The following CATSPERT variants were observed in gnomAD, a reference collection of about 807,000 sequenced individuals.
CATSPERT encodes the protein catsper channel auxiliary subunit tau.
At chr2:201,557,239 C>T in the CATSPERT span, 7 of 152,116 alleles carry the variant, frequency 4.6e-5, no homozygotes, top group Non-Finnish European at 8.8e-5. Context: ...ACTTATATTT[C>T]TCATCCTTAT....
the CATSPERT span, among the ~76,000 whole-genome samples, chr2:201,560,201 G>A: frequency 1.3e-5 from 2 of 152,218 alleles, no homozygotes. Context: ...GCCAAGGTGA[G>A]TGGATCATTT....
chr2:201,504,481 A>T, the CATSPERT span, among the ~76,000 whole-genome samples: 13 of 152,152 alleles, frequency 8.5e-5, no homozygotes, highest in African/African-American at 2.9e-4. Context: ...CATCTCTCCT[A>T]CCTGGCAGAC....
chr2:201,558,553 T>C, the CATSPERT span, among the ~76,000 whole-genome samples: 1 of 152,210 alleles, frequency 6.6e-6, no homozygotes, highest in African/African-American at 2.4e-5. Context: ...GACTTCCCAT[T>C]GTTGGGAAAA....
At chr2:201,581,523 T>TATATATATAA in the CATSPERT span, among the ~76,000 whole-genome samples, 1 of 64,322 alleles carries the variant, frequency 1.6e-5, no homozygotes, top group Non-Finnish European at 2.9e-5. Context: ...TATATATATA[T>TATATATATAA]AAAATATTCT....
At chr2:201,514,443 A>G in the CATSPERT span, among the ~76,000 whole-genome samples, 30 of 152,240 alleles carry the variant, frequency 2.0e-4, no homozygotes, top group African/African-American at 7.2e-4. Context: ...ATATGATCAT[A>G]TCAGTAATTT....
At chr2:201,589,467 T>G in the CATSPERT span, among the ~76,000 whole-genome samples, 2,511 of 152,236 alleles carry the variant, frequency 0.016, 61 homozygotes, top group African/African-American at 0.052. Context: ...TACAACTATC[T>G]GATCTTTGAC....
the CATSPERT span, among the ~76,000 whole-genome samples, chr2:201,512,059 T>C: frequency 1.3e-5 from 2 of 152,084 alleles, no homozygotes; most frequent in African/African-American, 4.8e-5. Flanking sequence ...GTTGATTGTA[T>C]ATACTGGAAT....
chr2:201,582,894 A>C, the CATSPERT span, among the ~76,000 whole-genome samples: 8 of 152,218 alleles, frequency 5.3e-5, no homozygotes, highest in African/African-American at 1.7e-4. Context: ...AGCCTTCTTA[A>C]AGTTATGCTA....
chr2:201,506,419 A>G, the CATSPERT span, among the ~76,000 whole-genome samples: 23 of 152,262 alleles, frequency 1.5e-4, no homozygotes, highest in Non-Finnish European at 1.5e-5. Context: ...AGGAGGAATT[A>G]TATGGGAATA....
At chr2:201,585,883 G>A in the CATSPERT span, among the ~76,000 whole-genome samples, 14 of 152,048 alleles carry the variant, frequency 9.2e-5, no homozygotes, top group Non-Finnish European at 1.9e-4. Context: ...AGCTGCATGC[G>A]TCCACTTACA....
chr2:201,536,030 A>C, the CATSPERT span: 1 of 1,613,036 alleles, frequency 6.2e-7, no homozygotes, highest in African/African-American at 1.3e-5. Context: ...CCTCTGATAG[A>C]GATGAGTCTG....
At chr2:201,569,634 C>T in the CATSPERT span, among the ~76,000 whole-genome samples, 1 of 152,168 alleles carries the variant, frequency 6.6e-6, no homozygotes, top group Non-Finnish European at 1.5e-5. Flanking sequence ...TGCCAGGATA[C>T]CCTTCACAAA....
At chr2:201,614,133 C>T in the CATSPERT span, among the ~76,000 whole-genome samples, 4 of 152,202 alleles carry the variant, frequency 2.6e-5, no homozygotes, top group African/African-American at 9.7e-5. Flanking sequence ...GGAAAACACT[C>T]TTCAGGATAT....
the CATSPERT span, among the ~76,000 whole-genome samples, chr2:201,616,170 C>T: frequency 6.6e-6 from 1 of 152,158 alleles, no homozygotes; most frequent in Non-Finnish European, 1.5e-5. Context: ...CTATTCCAAT[C>T]AATAGAAAAA....
chr2:201,513,469 A>C, the CATSPERT span, among the ~76,000 whole-genome samples: 14 of 152,340 alleles, frequency 9.2e-5, no homozygotes, highest in Admixed American at 8.5e-4. Flanking sequence ...GAATGCTTAC[A>C]CACTATTAGT....
the CATSPERT span, among the ~76,000 whole-genome samples, chr2:201,514,982 C>G: frequency 2.0e-5 from 3 of 151,906 alleles, no homozygotes; most frequent in African/African-American, 7.3e-5. Flanking sequence ...GATGCTAGGA[C>G]CAGGTCAGAT....
At chr2:201,535,993 G>T in the CATSPERT span, 1 of 1,611,276 alleles carries the variant, frequency 6.2e-7, no homozygotes. Flanking sequence ...CTGCTCTTTG[G>T]ATTTATACAG....
chr2:201,581,552 A>G, the CATSPERT span, among the ~76,000 whole-genome samples: 54 of 17,494 alleles, frequency 3.1e-3, no homozygotes, highest in East Asian at 4.6e-3. Context: ...ATGTGTGTAT[A>G]TATATATATA....
At chr2:201,538,998 C>T in the CATSPERT span, among the ~76,000 whole-genome samples, 16 of 152,142 alleles carry the variant, frequency 1.1e-4, no homozygotes, top group African/African-American at 3.6e-4. Context: ...GACATGATCT[C>T]ATTCTTTTTA....
Sources: gnomAD v4.1 joint callset for allele counts (sites outside exome capture counted in the v4.1 genomes callset) on GRCh38, gnomAD v4.1.1 for gene constraint, MANE v1.5 for transcripts, NCBI Gene and HGNC (gene_info 2026-07-23, HGNC 2026-07-21) for gene names.